Variants in HTT observed in about 807,000 individuals in gnomAD.
HTT encodes the protein huntingtin.
Under a neutral mutation model 362.3 loss-of-function variants are expected in HTT, and 104 were observed. The ratio of observed to expected loss-of-function variants is 0.29; its 90% CI spans 0.24 to 0.34. The LOEUF (loss-of-function observed/expected upper bound fraction) is 0.34, where lower values mean the gene tolerates loss of function less well. Among genes scored for constraint, HTT ranks in the 10% least tolerant of loss-of-function variants. HTT has a pLI of 1.00. For missense variants in HTT, 3,301 were observed against 3,928.6 expected, an observed-to-expected ratio of 0.84 and a Z score of 4.27; for synonymous variants, 1,577 against 1,548.7, an observed-to-expected ratio of 1.02 and a Z score of -0.43.
intron 45 of HTT, 22 bp downstream of exon 45, chr4:3,207,379 G>A (rs772417509): frequency 1.3e-5 from 21 of 1,583,730 alleles, no homozygotes; most frequent in East Asian, 4.5e-5. Flanking sequence ...AACACAGGTC[G>A]TCCTTGTGTT....
intron 4 of HTT, 76 bp downstream of exon 4, chr4:3,103,959 G>T: frequency 1.2e-6 from 1 of 820,946 alleles, no homozygotes; most frequent in Non-Finnish European, 2.1e-6. Flanking sequence ...GTAGGTACAT[G>T]TAAATGTATA....
In HTT at chr4:3,103,890, C is replaced by G. The variant is rs201736556; in HGVS notation, c.528+7C>G. On this transcript the variant is annotated splice_region_variant and intron_variant, in intron 4 of 66. Coordinates refer to ENST00000355072, the MANE Select transcript of HTT (RefSeq NM_001388492.1). ...CTATAAGGAAATTAAAAAGGTGGGC[C>G]TTGCTTTTCTTTTTTAAAAATGTTT... is the stretch of plus-strand genomic sequence containing the variant. 582 of 1,567,888 alleles carry G rather than the reference C, an allele frequency of 3.7e-4. 3 individuals are homozygous for G. In the African/African-American group the frequency reaches 7.1e-3, roughly 19 times the overall value.
intron 40 of HTT, among the ~76,000 whole-genome samples, chr4:3,191,180 T>TTTCTTTCG (rs749241593): frequency 1.5e-4 from 22 of 144,806 alleles, no homozygotes; most frequent in African/African-American, 5.3e-4. Context: ...TCTTTCTTTC[T>TTTCTTTCG]TTTTTTTTTT....
chr4:3,086,551 G>C (rs1578485916), intron 1 of HTT, among the ~76,000 whole-genome samples: 1 of 152,138 alleles, frequency 6.6e-6, no homozygotes, highest in African/African-American at 2.4e-5. Flanking sequence ...CGTGCCTGTG[G>C]TCCGCGCCAC....
At chr4:3,216,458 C>T (rs1365272500) in intron 51 of HTT, among the ~76,000 whole-genome samples, 2 of 152,232 alleles carry the variant, frequency 1.3e-5, no homozygotes, top group African/African-American at 4.8e-5. Flanking sequence ...TGAAATCAAT[C>T]AGTTAATCCC....
intron 8 of HTT, among the ~76,000 whole-genome samples, chr4:3,119,598 T>G (rs1715198037): frequency 6.6e-6 from 1 of 152,236 alleles, no homozygotes; most frequent in African/African-American, 2.4e-5. Context: ...AGATACATAC[T>G]GTTTATTTTT....
At chr4:3,075,656 G>GA (rs1223037195) in intron 1 of HTT, among the ~76,000 whole-genome samples, 1 of 139,718 alleles carries the variant, frequency 7.2e-6, no homozygotes, top group Admixed American at 7.1e-5. Context: ...GCAGGGGGGG[G>GA]GCGGGGAGTG....
intron 4 of HTT, among the ~76,000 whole-genome samples, 164 bp downstream of exon 4, chr4:3,104,047 T>C (rs1472329701): frequency 6.6e-6 from 1 of 152,192 alleles, no homozygotes; most frequent in African/African-American, 2.4e-5. Context: ...TGGATATCCA[T>C]GCCCTCAAGC....
Position 3,228,704 on chromosome 4 carries a change from C to T in HTT, c.7938C>T (p.Ala2646=). ...WDEEEEEEAD[A]PAPSSPPTSP... is the part of the protein sequence containing the mutation. The stretch of plus-strand genomic sequence containing the variant: ...AGGAAGAGGAGGAGGAGGCCGACGC[C>T]CCTGCACCTTCGTCACCACCCACGT... Residue 2646 remains alanine (A), a synonymous_variant, in exon 58 of 67, where the codon GCC becomes GCT. Coordinates refer to ENST00000355072, the MANE Select transcript of HTT (RefSeq NM_001388492.1). This position sits in a 1 kb window ranked among gnomAD's most constrained non-coding sequence, Gnocchi z 4.3. 6.2e-7 allele frequency: 1 copy of T among 1,609,146 alleles called. No homozygotes were observed. The highest frequency in any genetic ancestry group is 8.5e-7 in the Non-Finnish European group (1 of 1,177,124).
chr4:3,171,498 T>G (rs1329917153), intron 29 of HTT, among the ~76,000 whole-genome samples: 1 of 150,452 alleles, frequency 6.6e-6, no homozygotes, highest in African/African-American at 2.5e-5. Context: ...TGAGATGGAC[T>G]TTCGCTCTTG....
chr4:3,199,334 G>A (rs1038293600), intron 40 of HTT, among the ~76,000 whole-genome samples: 8 of 152,180 alleles, frequency 5.3e-5, no homozygotes, highest in African/African-American at 1.9e-4. Flanking sequence ...GAGCTCAGGA[G>A]TTCAAGACCA....
chr4:3,115,959 C>G lies in HTT; in HGVS notation c.890-126C>G. 6 of 854,450 alleles carry G rather than the reference C, an allele frequency of 7.0e-6. No individual in the cohort carries two copies. In the South Asian group the frequency reaches 9.3e-5, roughly 13 times the overall value. The allele number at this position is 854,450 out of a possible 1,614,324, so 52.9% of individuals were successfully genotyped here. A position where few individuals can be genotyped will look rare whatever the true frequency, so the allele number is the denominator to read the frequency against. On this transcript the variant is annotated intron_variant, in intron 7 of 66. Transcript: ENST00000355072. Reference sequence around the variant, plus strand: ...TAGCCATTCCCAGTGGGCCTCATGGCGTACTCGTTCATGATCATGTTTGTG... The same window carrying G: ...TAGCCATTCCCAGTGGGCCTCATGGGGTACTCGTTCATGATCATGTTTGTG...
intron 51 of HTT, among the ~76,000 whole-genome samples, chr4:3,215,679 T>G (rs373356081): frequency 6.6e-6 from 1 of 151,828 alleles, no homozygotes; most frequent in South Asian, 2.1e-4. Context: ...TCTGTTTTGG[T>G]GGATATTTAA....
chr4:3,120,826 G>A (rs112298033), intron 8 of HTT, among the ~76,000 whole-genome samples: 2,223 of 152,276 alleles, frequency 0.015, 22 homozygotes, highest in Non-Finnish European at 0.024. Flanking sequence ...ATGGCATACT[G>A]CCTTTAAAAT....
In HTT at chr4:3,214,083, T is replaced by G. The variant is rs1310282549; in HGVS notation, c.6900T>G (p.Phe2300Leu). The G allele has an allele frequency of 1.4e-5, 22 of 1,602,242 alleles. No individual in the cohort carries two copies. The highest frequency in any genetic ancestry group is 1.9e-5 in the Non-Finnish European group (22 of 1,173,132). The stretch of plus-strand genomic sequence containing the variant: ...GGAGCGTGGTCTCCTCCACAGAGTT[T>G]GTGACCCACGCCTGCTCCCTCATCT... The part of the protein sequence containing the change: ...GLWSVVSSTE[F>L]VTHACSLIYC... Residue 2300 changes from phenylalanine to leucine, a missense_variant, in exon 50 of 67, where the codon TTT becomes TTG. Physicochemically the swap from Phe to Leu is conservative, Grantham distance 22. Coordinates refer to ENST00000355072, the MANE Select transcript of HTT (RefSeq NM_001388492.1).
intron 27 of HTT, among the ~76,000 whole-genome samples, chr4:3,156,299 T>C (rs1717142516): frequency 6.6e-6 from 1 of 150,676 alleles, no homozygotes; most frequent in Non-Finnish European, 1.5e-5. Context: ...TTTGTATTTT[T>C]AGTAGAAGTG....
At position 3,094,392 on chromosome 4, in the gene HTT, C is replaced by T. The variant is rs189343890; in HGVS notation, c.348-4882C>T. Among the ~76,000 whole-genome samples the T allele has an allele frequency of 1.6e-3, 243 of 152,290 alleles. 2 individuals carry two copies. The highest frequency in any genetic ancestry group is 2.9e-3 in the Admixed American group (44 of 15,304). On this transcript the variant is annotated intron_variant, in intron 2 of 66. Transcript: ENST00000355072. ...CCTCCTTTTCTATTCGACAAAACTG[C>T]CACCGTCATCATGGACTGTTCTCAA...
At position 3,207,275 on chromosome 4, in the gene HTT, T is replaced by C. The variant is rs912316532; in HGVS notation, c.6076-6T>C. 10 of 1,613,248 alleles carry C rather than the reference T, an allele frequency of 6.2e-6. No homozygotes were observed. Among genetic ancestry groups the C allele is most frequent in the Non-Finnish European group, 7.6e-6 (9 of 1,179,440 alleles). ...ACAAACACACTAATGTGTTTTTGTCTATTAGAGCAGCATGGCCCAGTTGCC... is the reference window on the plus strand; with the variant it reads ...ACAAACACACTAATGTGTTTTTGTCCATTAGAGCAGCATGGCCCAGTTGCC... On this transcript the variant is annotated splice_region_variant and splice_polypyrimidine_tract_variant and intron_variant, in intron 44 of 66. Coordinates refer to ENST00000355072, the MANE Select transcript of HTT (RefSeq NM_001388492.1).
intron 2 of HTT, among the ~76,000 whole-genome samples, chr4:3,087,466 G>A (rs1713267305): frequency 1.3e-5 from 2 of 152,176 alleles, no homozygotes; most frequent in Admixed American, 1.3e-4. Flanking sequence ...CTGTGCTTCG[G>A]GATTAGTGGG....
Sources: allele counts gnomAD v4.1 joint callset (sites outside exome capture counted in the v4.1 genomes callset), GRCh38; gene constraint gnomAD v4.1.1; non-coding constraint Gnocchi (gnomAD v3.1); transcripts MANE v1.5; gene names NCBI Gene and HGNC (gene_info 2026-07-23, HGNC 2026-07-21).